SFMBT2: variants seen among roughly 807,000 people sequenced by gnomAD.
SFMBT2 encodes Scm like with four mbt domains 2.
In SFMBT2, 38 loss-of-function variants were observed where a neutral mutation model predicts 110.1. That is an observed-to-expected ratio of 0.35 (90% CI 0.27 to 0.45). The LOEUF (loss-of-function observed/expected upper bound fraction) is 0.45, where lower values mean the gene tolerates loss of function less well. Ranked by LOEUF, SFMBT2 falls within the 20% of genes least tolerant of loss-of-function variation. The pLI is 1.00. For synonymous variants in SFMBT2, 425 were observed against 425.4 expected, an observed-to-expected ratio of 1.00 and a Z score of 0.01; for missense variants, 1,011 against 1,094.9, an observed-to-expected ratio of 0.92 and a Z score of 1.08.
intron 16 of SFMBT2, among the ~76,000 whole-genome samples, chr10:7,184,019 G>C (rs1838321804): frequency 6.6e-6 from 1 of 152,304 alleles, no homozygotes; most frequent in African/African-American, 2.4e-5. Context: ...AAGGAGTGGA[G>C]GCAAAGTTTT....
chr10:7,189,597 G>A (rs1340861573), intron 15 of SFMBT2, among the ~76,000 whole-genome samples: 1 of 152,250 alleles, frequency 6.6e-6, no homozygotes, highest in Non-Finnish European at 1.5e-5. Context: ...AGACCTTACA[G>A]AACGTGAGAG....
intron 8 of SFMBT2, 120 bp downstream of exon 8, chr10:7,248,428 C>A: frequency 2.5e-6 from 2 of 789,646 alleles, no homozygotes; most frequent in Non-Finnish European, 4.1e-6. Flanking sequence ...TCTTCCTTAG[C>A]TTCGCCTGGC....
intron 4 of SFMBT2, among the ~76,000 whole-genome samples, chr10:7,299,458 C>T (rs114839212): frequency 4.6e-5 from 7 of 152,130 alleles, no homozygotes; most frequent in Non-Finnish European, 7.4e-5. Flanking sequence ...CAGACATTTA[C>T]GTGGCCAACA....
At chr10:7,319,167 C>CA (rs1442628837) in intron 4 of SFMBT2, among the ~76,000 whole-genome samples, 2 of 152,238 alleles carry the variant, frequency 1.3e-5, no homozygotes, top group Admixed American at 6.5e-5. Context: ...AACATGCAAA[C>CA]AAAAAACGTA....
chr10:7,370,218 C>T, intron 3 of SFMBT2, 63 bp downstream of exon 3: 3 of 1,440,880 alleles, frequency 2.1e-6, no homozygotes, highest in Admixed American at 1.7e-5. Flanking sequence ...TCCGGCTTCT[C>T]CCTATAGATT....
chr10:7,372,737 T>C (rs1291072981), intron 2 of SFMBT2, among the ~76,000 whole-genome samples: 3 of 152,236 alleles, frequency 2.0e-5, no homozygotes, highest in African/African-American at 7.2e-5. Flanking sequence ...TGCTTTCCGA[T>C]GCACTAGTCA....
chr10:7,351,877 A>AT (rs1844330845), intron 4 of SFMBT2, among the ~76,000 whole-genome samples: 3 of 146,434 alleles, frequency 2.0e-5, no homozygotes, highest in African/African-American at 8.1e-5. Context: ...CTGTAAAAAA[A>AT]AAAATATATA....
chr10:7,389,932 A>C (rs1845721991), intron 1 of SFMBT2, among the ~76,000 whole-genome samples: 1 of 152,242 alleles, frequency 6.6e-6, no homozygotes, highest in African/African-American at 2.4e-5. Context: ...GTATAGTCAA[A>C]GAATAGAGTA....
intron 13 of SFMBT2, chr10:7,200,845 G>A (rs1351953684): frequency 1.2e-5 from 2 of 169,522 alleles, no homozygotes; most frequent in African/African-American, 4.8e-5. Flanking sequence ...TTTGATTAAA[G>A]TCAGACTTTT....
rs768258777 is a variant in SFMBT2 at position 7,285,990 on chromosome 10, AC to A, written c.437-37del. The A allele has an allele frequency of 8.2e-6, 7 of 850,778 alleles. No individual in the cohort carries two copies. The African/African-American group carries it at 9.9e-5, about 12-fold the overall frequency. 52.7% of individuals were successfully genotyped at this position (850,778 alleles called of 1,614,324 possible). A position where few individuals can be genotyped will look rare whatever the true frequency, so the allele number is the denominator to read the frequency against. ...AAAGGAGAAAGAAAAACAAAACAAA[AC>A]AAAAAAAACACTTCAACACAGCAGC... is the stretch of plus-strand genomic sequence containing the variant. On this transcript the variant is annotated intron_variant, in intron 4 of 20. Coordinates refer to ENST00000397167, the MANE Select transcript of SFMBT2 (RefSeq NM_001387889.1).
chr10:7,384,446 C>T (rs986200969), intron 1 of SFMBT2, among the ~76,000 whole-genome samples: 8 of 151,102 alleles, frequency 5.3e-5, no homozygotes, highest in African/African-American at 7.3e-5. Flanking sequence ...GAGTTTGCTT[C>T]GTTCATAATG....
chr10:7,233,024 C>CA (rs1404018230), intron 9 of SFMBT2, among the ~76,000 whole-genome samples: 7 of 151,976 alleles, frequency 4.6e-5, no homozygotes, highest in African/African-American at 1.5e-4. Context: ...GAAGGGTTTA[C>CA]AGAAAAAAAT....
chr10:7,241,633 AC>A (rs1403251151), intron 9 of SFMBT2, among the ~76,000 whole-genome samples: 1 of 152,222 alleles, frequency 6.6e-6, no homozygotes, highest in Non-Finnish European at 1.5e-5. Flanking sequence ...ATATCTTTGT[AC>A]AGTCCTTTCA....
At chr10:7,259,207 T>C (rs1265463942) in intron 7 of SFMBT2, among the ~76,000 whole-genome samples, 1 of 152,214 alleles carries the variant, frequency 6.6e-6, no homozygotes, top group Non-Finnish European at 1.5e-5. Context: ...GCTTCTGTTT[T>C]GCCCTTCCCA....
rs139666487 is a variant in SFMBT2, at chr10:7,338,143, C to G, written c.436+29506G>C. Among the ~76,000 whole-genome samples, 886 of 152,294 alleles carry G rather than the reference C, an allele frequency of 5.8e-3. 6 individuals are homozygous for G. Among genetic ancestry groups the G allele is most frequent in the African/African-American group, 0.019 (807 of 41,544 alleles). ...TAAGGGGAAAAATAACAATAAGTTG[C>G]CTTGTCCTGCTCTGGGCTAACCAGT... On this transcript the variant is annotated intron_variant, in intron 4 of 20. Transcript: ENST00000397167.
Position 7,172,051 on chromosome 10 carries a change from G to A in SFMBT2, c.2259C>T (p.Pro753=). The change falls in exon 19 of 21, where the codon CCC becomes CCT. Residue 753 remains proline (P), a synonymous_variant. Transcript: ENST00000397167. This position sits in a 1 kb window ranked among gnomAD's most constrained non-coding sequence, Gnocchi z 4.6. The part of the protein sequence containing the change: ...DQTDTSSAEV[P]SARPRRAVTL... Reference sequence around the variant, plus strand: ...TGACGGCCCTCCGGGGCCGGGCCGAGGGCACCTCCGCCGACGAGGTGTCCG... The same window carrying A: ...TGACGGCCCTCCGGGGCCGGGCCGAAGGCACCTCCGCCGACGAGGTGTCCG... 2 of 1,597,602 alleles carry A rather than the reference G, an allele frequency of 1.3e-6. No homozygotes were observed. Among genetic ancestry groups the A allele is most frequent in the East Asian group, 2.3e-5 (1 of 44,120 alleles).
chr10:7,369,589 A>ATTT (rs1457059475), intron 3 of SFMBT2, among the ~76,000 whole-genome samples: 4 of 152,192 alleles, frequency 2.6e-5, no homozygotes. Flanking sequence ...TTTTCATCAT[A>ATTT]TTTATGGTTA....
intron 9 of SFMBT2, among the ~76,000 whole-genome samples, chr10:7,228,725 TTCTTTCTTTCCTTTCTCTCTCTCTCTC>T (rs1564395266): frequency 5.1e-4 from 55 of 108,526 alleles, no homozygotes; most frequent in African/African-American, 1.8e-3. Flanking sequence ...CTTTCTTTCT[TTCTTTCTTTCCTTTCTCTCTCTCTCTC>T]TCTCTCTCTC....
intron 4 of SFMBT2, among the ~76,000 whole-genome samples, chr10:7,336,433 T>C (rs952704308): frequency 6.6e-6 from 1 of 152,154 alleles, no homozygotes; most frequent in African/African-American, 2.4e-5. Flanking sequence ...TTATCTTGCA[T>C]CATATGAGCA....
Sources: gnomAD v4.1 joint callset for allele counts (sites outside exome capture counted in the v4.1 genomes callset) on GRCh38, gnomAD v4.1.1 for gene constraint, Gnocchi (gnomAD v3.1) non-coding constraint, MANE v1.5 for transcripts, NCBI Gene and HGNC (gene_info 2026-07-23, HGNC 2026-07-21) for gene names.